GIPC1: variants seen among roughly 807,000 people sequenced by gnomAD.
GIPC1 encodes GIPC PDZ domain containing family member 1, also known as PDZ domain-containing protein GIPC1.
GIPC1 carries 15 observed loss-of-function variants against 28.5 expected under a neutral mutation model. The ratio of observed to expected loss-of-function variants is 0.53; its 90% CI spans 0.35 to 0.81. The LOEUF is 0.81. Among genes scored for constraint, GIPC1 ranks in the 30% least tolerant of loss-of-function variants. The probability of loss-of-function intolerance (pLI) is 0.01; values close to 1 mark genes in which losing one functional copy is unlikely to be tolerated. For synonymous variants in GIPC1, 224 were observed against 206.1 expected (o/e 1.09, Z -0.74); for missense variants, 439 against 481.9 (o/e 0.91, Z 0.83).
At chr19:14,491,172 A>G (rs531757571) in intron 3 of GIPC1, among the ~76,000 whole-genome samples, 3 of 150,672 alleles carry the variant, frequency 2.0e-5, no homozygotes, top group African/African-American at 7.3e-5. Context: ...CGCTCAGCCT[A>G]TATTTTCTTA....
intron 7 of GIPC1, among the ~76,000 whole-genome samples, chr19:14,479,211 G>T (rs1286831535): frequency 1.3e-5 from 2 of 152,142 alleles, no homozygotes; most frequent in East Asian, 1.9e-4. Context: ...AATCAGCTGG[G>T]CATGGTGGTG....
intron 1 of GIPC1, among the ~76,000 whole-genome samples, chr19:14,493,954 C>T (rs1356344475): frequency 6.7e-6 from 1 of 150,320 alleles, no homozygotes; most frequent in African/African-American, 2.5e-5. Flanking sequence ...AGCCACCACG[C>T]CTGGCCTATT....
intron 3 of GIPC1, among the ~76,000 whole-genome samples, chr19:14,484,372 G>A (rs1395667886): frequency 6.6e-6 from 1 of 150,736 alleles, no homozygotes; most frequent in African/African-American, 2.4e-5. Flanking sequence ...CTGACCTCAA[G>A]TGATCCGCCC....
At chr19:14,486,599 A>G (rs1191729927) in intron 3 of GIPC1, among the ~76,000 whole-genome samples, 2 of 152,126 alleles carry the variant, frequency 1.3e-5, no homozygotes, top group African/African-American at 4.8e-5. Context: ...CCGCAATGGA[A>G]GTGTAGCAGG....
chr19:14,487,685 CT>C (rs34048955), intron 3 of GIPC1, among the ~76,000 whole-genome samples: 78 of 130,304 alleles, frequency 6.0e-4, no homozygotes, highest in Admixed American at 6.1e-4. Context: ...CTTTATTTTC[CT>C]TTTTTTTTTT....
rs2071761257 is a variant in GIPC1 at position 14,482,852 on chromosome 19, C to A, written c.125G>T (p.Gly42Val). The A allele has an allele frequency of 1.9e-6, 3 of 1,568,934 alleles. No homozygotes were observed. In the South Asian group the frequency reaches 3.4e-5, roughly 18 times the overall value. Residue 42 changes from glycine (G) to valine (V), a missense_variant, in exon 4 of 9, where the codon GGC becomes GTC. Physicochemically the swap from Gly to Val is moderately radical, Grantham distance 109. Coordinates refer to ENST00000393033, the MANE Select transcript of GIPC1 (RefSeq NM_005716.4). ...AGGGGGGGGCAAGCCCATTTGGGGG[C>A]CCCCCGACCCACCTCCGCCCAGAGG... is the stretch of plus-strand genomic sequence containing the variant. ...PGPLGGGGSGGPQMGLPPPPP... is the reference protein window; with the variant it reads ...PGPLGGGGSGVPQMGLPPPPP...
chr19:14,492,407 C>T (rs921361551), intron 2 of GIPC1, among the ~76,000 whole-genome samples: 15 of 151,894 alleles, frequency 9.9e-5, no homozygotes, highest in South Asian at 2.1e-4. Context: ...CCCGGGTTCA[C>T]GCCATTCTCC....
At chr19:14,490,898 T>C (rs1190735064) in intron 3 of GIPC1, among the ~76,000 whole-genome samples, 68 of 145,564 alleles carry the variant, frequency 4.7e-4, no homozygotes, top group Non-Finnish European at 7.8e-4. Flanking sequence ...TGGCGTGAAC[T>C]CGGGAGGCGG....
chr19:14,482,500 G>A (rs1404214277), intron 4 of GIPC1, 189 bp downstream of exon 4: 1 of 627,186 alleles, frequency 1.6e-6, no homozygotes, highest in East Asian at 2.8e-5. Context: ...ACAATTCACA[G>A]GGGCACAAGC....
chr19:14,481,786 T>C (rs1182898903), intron 4 of GIPC1: 3 of 148,862 alleles, frequency 2.0e-5, no homozygotes, highest in Non-Finnish European at 4.4e-5. Context: ...TGGCACACAG[T>C]GAGTGCTCAG....
At chr19:14,494,367 C>T (rs978993894) in intron 1 of GIPC1, among the ~76,000 whole-genome samples, 2 of 120,580 alleles carry the variant, frequency 1.7e-5, no homozygotes, top group African/African-American at 6.7e-5. Flanking sequence ...GCTGGGATTA[C>T]AGGCGTGAGC....
chr19:14,478,770 G>T lies in GIPC1; in HGVS notation c.769-5C>A, dbSNP rs1379729000. 5.6e-6 allele frequency: 9 copies of T among 1,607,082 alleles called. No homozygotes were observed. Among genetic ancestry groups the T allele is most frequent in the African/African-American group, 1.3e-5 (1 of 74,768 alleles). On this transcript the variant is annotated splice_polypyrimidine_tract_variant and splice_region_variant and intron_variant, in intron 7 of 8. Coordinates refer to ENST00000393033, the MANE Select transcript of GIPC1 (RefSeq NM_005716.4). The surrounding 1 kb of genome is among the most constrained non-coding windows in gnomAD (Gnocchi z 5.2). ...CTTCTCTTCAAAGGCAGAGGGCTGGGGGCCAGGGAGGGGTGACAGCGACAT... is the reference window on the plus strand; with the variant it reads ...CTTCTCTTCAAAGGCAGAGGGCTGGTGGCCAGGGAGGGGTGACAGCGACAT...
intron 6 of GIPC1, 69 bp downstream of exon 6, chr19:14,480,236 G>T (rs889099812): frequency 5.0e-6 from 7 of 1,404,056 alleles, no homozygotes; most frequent in African/African-American, 1.4e-5. Context: ...CCTGCTGGCC[G>T]CTCCCGGCAC....
chr19:14,489,331 G>T, intron 3 of GIPC1: 1 of 774,336 alleles, frequency 1.3e-6, no homozygotes, highest in Non-Finnish European at 2.4e-6. Flanking sequence ...CCGCGGTAGC[G>T]TGAGGGAAGC....
chr19:14,486,168 C>T (rs182567092), intron 3 of GIPC1, among the ~76,000 whole-genome samples: 114 of 152,254 alleles, frequency 7.5e-4, no homozygotes, highest in East Asian at 1.5e-3. Flanking sequence ...TATGGGCCAC[C>T]GTGCCCGGCC....
rs111847203 is a variant in GIPC1 at position 14,487,394 on chromosome 19, G to A, written c.-31+4262C>T. On this transcript the variant is annotated intron_variant, in intron 3 of 8. Transcript: ENST00000393033. Reference sequence around the variant, plus strand: ...ACTACAGGTGCACGCCACCATGCCCGGCTAATTTTTTTTGTGTTTTTAGTA... The same window carrying A: ...ACTACAGGTGCACGCCACCATGCCCAGCTAATTTTTTTTGTGTTTTTAGTA... 2.4e-3 allele frequency among the ~76,000 whole-genome samples: 365 copies of A among 150,038 alleles called. 1 individual carries two copies. Among genetic ancestry groups the A allele is most frequent in the African/African-American group, 8.6e-3 (350 of 40,778 alleles).
intron 4 of GIPC1, among the ~76,000 whole-genome samples, chr19:14,481,560 A>C (rs1300101223): frequency 6.6e-6 from 1 of 151,930 alleles, no homozygotes; most frequent in South Asian, 2.1e-4. Flanking sequence ...GTCTCTACTA[A>C]AAATACAAAA....
chr19:14,485,694 TATATATATAGAGAGAG>T (rs1359294948), intron 3 of GIPC1, among the ~76,000 whole-genome samples: 21 of 77,348 alleles, frequency 2.7e-4, no homozygotes, highest in Non-Finnish European at 4.3e-4. Flanking sequence ...AATATATATA[TATATATATAGAGAGAG>T]AGAGAGAGAG....
chr19:14,493,430 C>A (rs8109217), intron 1 of GIPC1, among the ~76,000 whole-genome samples: 23,149 of 151,946 alleles, frequency 0.15, 1,919 homozygotes, highest in South Asian at 0.22. Context: ...CTTGGTCCAG[C>A]CTAAAGACCT....
Sources: allele counts gnomAD v4.1 joint callset (sites outside exome capture counted in the v4.1 genomes callset), GRCh38; gene constraint gnomAD v4.1.1; non-coding constraint Gnocchi (gnomAD v3.1); transcripts MANE v1.5; gene names NCBI Gene and HGNC (gene_info 2026-07-23, HGNC 2026-07-21).